CCSER1: variants seen among roughly 807,000 people sequenced by gnomAD.
CCSER1 encodes the protein coiled-coil serine rich protein 1.
CCSER1 carries 41 observed loss-of-function variants against 82.0 expected under a neutral mutation model. That is an observed-to-expected ratio of 0.50 (90% confidence interval 0.39 to 0.65). CCSER1 has a LOEUF of 0.65. Ranked by LOEUF, CCSER1 falls within the 30% of genes least tolerant of loss-of-function variation. The probability of loss-of-function intolerance (pLI) is 0.00; values close to 1 mark genes in which losing one functional copy is unlikely to be tolerated. For missense variants in CCSER1, 1,119 were observed against 1,064.2 expected (o/e 1.05, Z -0.72); for synonymous variants, 414 against 383.9 (o/e 1.08, Z -0.92).
chr4:90,504,610 C>G (rs115333006), intron 5 of CCSER1, among the ~76,000 whole-genome samples: 1 of 152,144 alleles, frequency 6.6e-6, no homozygotes, highest in Admixed American at 6.6e-5. Context: ...ATCTATTAGA[C>G]AAAAGTTTTT....
At chr4:90,686,375 A>G (rs886379880) in intron 6 of CCSER1, among the ~76,000 whole-genome samples, 5 of 152,022 alleles carry the variant, frequency 3.3e-5, no homozygotes, top group Admixed American at 6.6e-5. Context: ...ATAATGCCTA[A>G]CTGGAGGTGT....
intron 1 of CCSER1, among the ~76,000 whole-genome samples, chr4:90,150,470 G>C (rs1726624921): frequency 6.6e-6 from 1 of 152,126 alleles, no homozygotes; most frequent in Non-Finnish European, 1.5e-5. Context: ...TTAAGTATAA[G>C]AGATGCATGA....
rs62311996 is a variant in CCSER1, at chr4:91,255,983, A to C, written c.2217+169989A>C. On this transcript the variant is annotated intron_variant, in intron 10 of 10. Coordinates refer to ENST00000509176, the MANE Select transcript of CCSER1 (RefSeq NM_001145065.2). ...GGATAACAGAGATGTTCAGGGAACA[A>C]GGGAGATAACCATTAAGTCTGACTT... 2.1e-3 allele frequency among the ~76,000 whole-genome samples: 314 copies of C among 152,364 alleles called. 1 individual carries two copies. The highest frequency in any genetic ancestry group is 3.7e-3 in the Non-Finnish European group (253 of 68,038).
chr4:90,336,845 A>G (rs1051508776), intron 3 of CCSER1, among the ~76,000 whole-genome samples: 2 of 152,220 alleles, frequency 1.3e-5, no homozygotes, highest in South Asian at 4.1e-4. Flanking sequence ...AAATATACTC[A>G]ATAGCAAATC....
chr4:90,397,220 C>A (rs1000736589), intron 3 of CCSER1, among the ~76,000 whole-genome samples: 2 of 152,096 alleles, frequency 1.3e-5, no homozygotes, highest in Non-Finnish European at 2.9e-5. Context: ...GCAAATGGAA[C>A]CCTGCTAGTC....
At position 90,631,966 on chromosome 4, in the gene CCSER1, A is replaced by G. The variant is rs921372991; in HGVS notation, c.1932+3734A>G. Among the ~76,000 whole-genome samples, 3 of 152,166 alleles carry G rather than the reference A, an allele frequency of 2.0e-5. No homozygotes were observed. In the South Asian group the frequency reaches 6.2e-4, roughly 32 times the overall value. On this transcript the variant is annotated intron_variant, in intron 6 of 10. Transcript: ENST00000509176. ...AAGACATCTCATAAGGTATATGCAA[A>G]TATTCTAAAGTCTGAAAAAATTCAA... is the stretch of plus-strand genomic sequence containing the variant.
At chr4:91,363,390 T>A (rs71597243) in intron 10 of CCSER1, among the ~76,000 whole-genome samples, 1 of 120,598 alleles carries the variant, frequency 8.3e-6, no homozygotes, top group Non-Finnish European at 1.6e-5. Flanking sequence ...TGTGTGTGTG[T>A]GAGACAAAAA....
intron 6 of CCSER1, among the ~76,000 whole-genome samples, chr4:90,719,590 C>G (rs993382075): frequency 6.6e-6 from 1 of 152,082 alleles, no homozygotes; most frequent in Non-Finnish European, 1.5e-5. Context: ...TCACACTTTT[C>G]TTGTTAAGCA....
At chr4:91,316,685 A>G (rs1477046428) in intron 10 of CCSER1, among the ~76,000 whole-genome samples, 1 of 152,010 alleles carries the variant, frequency 6.6e-6, no homozygotes. Context: ...CATCTCTTCA[A>G]TTAGTAAAAT....
chr4:90,940,622 G>A (rs1187009188), intron 9 of CCSER1, among the ~76,000 whole-genome samples: 1 of 152,008 alleles, frequency 6.6e-6, no homozygotes, highest in Non-Finnish European at 1.5e-5. Context: ...AAAAAATTAT[G>A]GTTGATAATT....
At chr4:91,455,180 TAGAA>T (rs1250596019) in intron 10 of CCSER1, among the ~76,000 whole-genome samples, 3 of 151,734 alleles carry the variant, frequency 2.0e-5, no homozygotes. Flanking sequence ...GTGGAGGTAA[TAGAA>T]AGTTCCTGTG....
At chr4:91,355,151 C>T (rs932896089) in intron 10 of CCSER1, among the ~76,000 whole-genome samples, 1 of 152,072 alleles carries the variant, frequency 6.6e-6, no homozygotes, top group Non-Finnish European at 1.5e-5. Context: ...CTAAATGACA[C>T]AAGACCAGTA....
At chr4:91,302,498 T>G (rs936136697) in intron 10 of CCSER1, among the ~76,000 whole-genome samples, 2 of 152,038 alleles carry the variant, frequency 1.3e-5, no homozygotes, top group African/African-American at 4.8e-5. Flanking sequence ...CTTGGTTTCC[T>G]CCAGATCAAA....
chr4:91,578,488 G>A (rs976690230), intron 10 of CCSER1, among the ~76,000 whole-genome samples: 1 of 151,890 alleles, frequency 6.6e-6, no homozygotes, highest in Non-Finnish European at 1.5e-5. Flanking sequence ...TTTTCTGAGG[G>A]TAAAAGTGTT....
At chr4:91,361,292 G>A (rs1202395013) in intron 10 of CCSER1, among the ~76,000 whole-genome samples, 1 of 151,812 alleles carries the variant, frequency 6.6e-6, no homozygotes, top group African/African-American at 2.4e-5. Flanking sequence ...ATGAAGAAAG[G>A]TGACATGATG....
chr4:91,425,393 A>C (rs758339472), intron 10 of CCSER1, among the ~76,000 whole-genome samples: 1 of 152,182 alleles, frequency 6.6e-6, no homozygotes, highest in Non-Finnish European at 1.5e-5. Context: ...TCCCAAGAAT[A>C]TTATAATTAC....
intron 10 of CCSER1, among the ~76,000 whole-genome samples, chr4:91,563,905 G>T (rs1192365000): frequency 6.6e-6 from 1 of 151,756 alleles, no homozygotes; most frequent in Non-Finnish European, 1.5e-5. Context: ...TTAAATTTTA[G>T]ATTTGGTGAT....
intron 10 of CCSER1, among the ~76,000 whole-genome samples, chr4:91,417,023 AC>A (rs1489250030): frequency 2.0e-5 from 3 of 152,168 alleles, no homozygotes; most frequent in Admixed American, 2.0e-4. Flanking sequence ...AAACTGAACA[AC>A]CCCATTAAAA....
At chr4:90,911,942 G>A (rs557460965) in intron 8 of CCSER1, among the ~76,000 whole-genome samples, 7 of 152,292 alleles carry the variant, frequency 4.6e-5, no homozygotes, top group South Asian at 4.1e-4. Context: ...AGGGGCGCCC[G>A]CCATTGCTGA....
Sources: gnomAD v4.1 joint callset for allele counts (sites outside exome capture counted in the v4.1 genomes callset) on GRCh38, gnomAD v4.1.1 for gene constraint, MANE v1.5 for transcripts, NCBI Gene and HGNC (gene_info 2026-07-23, HGNC 2026-07-21) for gene names.